The following FAM110B variants were observed in gnomAD, a reference collection of about 807,000 sequenced individuals.
FAM110B encodes the protein protein FAM110B.
A neutral mutation model predicts 20.4 loss-of-function variants in FAM110B; 6 were observed. The ratio of observed to expected loss-of-function variants is 0.29; its 90% CI spans 0.16 to 0.58. FAM110B has a LOEUF of 0.58. Among genes scored for constraint, FAM110B ranks in the 20% least tolerant of loss-of-function variants. The pLI is 0.90. For missense variants in FAM110B, 434 were observed against 498.2 expected (o/e 0.87, Z 1.23); for synonymous variants, 226 against 214.1 (o/e 1.06, Z -0.49).
chr8:58,083,607 C>T (rs901908854), intron 3 of FAM110B, among the ~76,000 whole-genome samples: 19 of 152,226 alleles, frequency 1.2e-4, no homozygotes, highest in South Asian at 4.1e-4. Flanking sequence ...TCCGCTATTT[C>T]GGGGAAGTGG....
intron 2 of FAM110B, among the ~76,000 whole-genome samples, chr8:58,074,134 A>G (rs1805974101): frequency 6.6e-6 from 1 of 152,142 alleles, no homozygotes; most frequent in Non-Finnish European, 1.5e-5. Context: ...GCTGGATGGT[A>G]GTCCCTTAGA....
intron 1 of FAM110B, among the ~76,000 whole-genome samples, chr8:57,997,372 C>T (rs1322207937): frequency 6.6e-6 from 1 of 152,156 alleles, no homozygotes; most frequent in East Asian, 1.9e-4. Flanking sequence ...TGTCTGAAAG[C>T]CATCGCATTT....
intron 3 of FAM110B, among the ~76,000 whole-genome samples, chr8:58,083,540 C>A (rs1423259226): frequency 1.3e-5 from 2 of 152,164 alleles, no homozygotes; most frequent in African/African-American, 4.8e-5. Flanking sequence ...CTCACAGATT[C>A]AATATTCAGA....
At chr8:58,086,065 C>T (rs939278767) in intron 3 of FAM110B, among the ~76,000 whole-genome samples, 3 of 152,144 alleles carry the variant, frequency 2.0e-5, no homozygotes, top group Admixed American at 6.6e-5. Flanking sequence ...ATAGGAGGGG[C>T]CTAATAAATG....
rs148016491 is a variant in FAM110B, at chr8:58,124,588, A to G, written c.-324-21319A>G. Among the ~76,000 whole-genome samples the G allele has an allele frequency of 7.2e-5, 11 of 152,364 alleles. No homozygotes were observed. In the East Asian group the frequency reaches 2.1e-3, roughly 29 times the overall value. On this transcript the variant is annotated intron_variant, in intron 3 of 3. Transcript: ENST00000519262. Reference sequence around the variant, plus strand: ...ATGTGAAGAGAGGTGGAAGGTAGGAAGGCGCATCCTAAATATGCCTGATGC... The same window carrying G: ...ATGTGAAGAGAGGTGGAAGGTAGGAGGGCGCATCCTAAATATGCCTGATGC...
intron 1 of FAM110B, among the ~76,000 whole-genome samples, chr8:58,007,571 G>T (rs536124727): frequency 2.0e-5 from 3 of 152,302 alleles, no homozygotes; most frequent in African/African-American, 7.2e-5. Flanking sequence ...TAGGGCCTTG[G>T]CAAGTGATTA....
intron 3 of FAM110B, among the ~76,000 whole-genome samples, chr8:58,117,162 G>A (rs1024076424): frequency 2.0e-5 from 3 of 152,168 alleles, no homozygotes; most frequent in Non-Finnish European, 4.4e-5. Flanking sequence ...AAACCAATTA[G>A]GGAATCTCAG....
chr8:58,092,309 A>G (rs1468938276), intron 3 of FAM110B, among the ~76,000 whole-genome samples: 1 of 151,990 alleles, frequency 6.6e-6, no homozygotes, highest in Non-Finnish European at 1.5e-5. Flanking sequence ...GGTTTGTTAC[A>G]TAGGTACACA....
At chr8:58,084,494 A>G (rs989941997) in intron 3 of FAM110B, among the ~76,000 whole-genome samples, 3 of 151,678 alleles carry the variant, frequency 2.0e-5, no homozygotes, top group African/African-American at 7.3e-5. Context: ...GGTTCAAGCA[A>G]TTCTCCTGCC....
At chr8:58,136,191 T>C (rs916050921) in intron 3 of FAM110B, among the ~76,000 whole-genome samples, 1 of 152,036 alleles carries the variant, frequency 6.6e-6, no homozygotes, top group African/African-American at 2.4e-5. Context: ...TTTGTATTTT[T>C]AGTGGAGACG....
intron 1 of FAM110B, among the ~76,000 whole-genome samples, chr8:58,028,121 G>A (rs778205098): frequency 1.3e-5 from 2 of 152,078 alleles, no homozygotes; most frequent in South Asian, 2.1e-4. Context: ...TTTTCTTTTC[G>A]AGATGGAGTT....
chr8:58,027,034 C>A (rs867209830), intron 1 of FAM110B, among the ~76,000 whole-genome samples: 5 of 152,260 alleles, frequency 3.3e-5, no homozygotes, highest in Middle Eastern at 3.4e-3. Context: ...AGTGGGTAGT[C>A]TTTCACAGTG....
intron 3 of FAM110B, among the ~76,000 whole-genome samples, chr8:58,111,972 A>T (rs1807069162): frequency 6.6e-6 from 1 of 152,228 alleles, no homozygotes; most frequent in South Asian, 2.1e-4. Context: ...AAAAAAAGAC[A>T]AAAGTTTTTT....
chr8:58,123,126 A>G (rs374570772), intron 3 of FAM110B, among the ~76,000 whole-genome samples: 1 of 152,154 alleles, frequency 6.6e-6, no homozygotes, highest in South Asian at 2.1e-4. Context: ...TCCTCCTGCT[A>G]TCAAACTGCT....
At chr8:58,075,011 T>C (rs561198281) in intron 2 of FAM110B, among the ~76,000 whole-genome samples, 1 of 152,354 alleles carries the variant, frequency 6.6e-6, no homozygotes, top group East Asian at 1.9e-4. Flanking sequence ...ATAGTTGAAG[T>C]AAACAAAATA....
intron 2 of FAM110B, 106 bp from the exon 3 acceptor site, chr8:58,075,429 A>G (rs1008263620): frequency 3.9e-5 from 6 of 152,144 alleles, no homozygotes; most frequent in East Asian, 1.9e-4. Flanking sequence ...TGTATTGACT[A>G]ATTTTTAAAA....
rs112578889 is a variant in FAM110B at position 58,116,112 on chromosome 8, A to G, written c.-324-29795A>G. On this transcript the variant is annotated intron_variant, in intron 3 of 3. Transcript: ENST00000519262. ...CATACGTACATACATACATGCATGC[A>G]TGCCTGGTAACCAATTGGCTGTACT... Among the ~76,000 whole-genome samples the G allele has an allele frequency of 9.2e-3, 1,401 of 152,332 alleles. 22 individuals are homozygous for G. The highest frequency in any genetic ancestry group is 0.031 in the African/African-American group (1,280 of 41,576).
intron 1 of FAM110B, among the ~76,000 whole-genome samples, chr8:58,029,137 G>A (rs1804915431): frequency 6.6e-6 from 1 of 152,206 alleles, no homozygotes; most frequent in Non-Finnish European, 1.5e-5. Flanking sequence ...TAGGGTTTCA[G>A]TGAATACGAA....
intron 2 of FAM110B, among the ~76,000 whole-genome samples, chr8:58,034,840 C>T (rs923118300): frequency 2.6e-5 from 4 of 152,150 alleles, no homozygotes; most frequent in African/African-American, 7.2e-5. Flanking sequence ...GAGAGCCCTC[C>T]GTGATAATGG....
Sources: gnomAD v4.1 joint callset for allele counts (sites outside exome capture counted in the v4.1 genomes callset) on GRCh38, gnomAD v4.1.1 for gene constraint, MANE v1.5 for transcripts, NCBI Gene and HGNC (gene_info 2026-07-23, HGNC 2026-07-21) for gene names.